XRCC4: variants seen among roughly 807,000 people sequenced by gnomAD.
XRCC4 encodes X-ray repair cross complementing 4.
XRCC4 carries 28 observed loss-of-function variants against 39.1 expected under a neutral mutation model. The ratio of observed to expected loss-of-function variants is 0.72; its 90% CI spans 0.53 to 0.98. The LOEUF (loss-of-function observed/expected upper bound fraction) is 0.98. XRCC4 is among the 50% of genes least tolerant of loss of function. The pLI, the probability that XRCC4 is intolerant of heterozygous loss-of-function variation, is 0.00. For missense variants in XRCC4, 350 were observed against 376.4 expected, an observed-to-expected ratio of 0.93 and a Z score of 0.58; for synonymous variants, 123 against 126.4, an observed-to-expected ratio of 0.97 and a Z score of 0.18.
intron 7 of XRCC4, among the ~76,000 whole-genome samples, chr5:83,286,782 A>G (rs1051755844): frequency 2.0e-5 from 3 of 152,122 alleles, no homozygotes; most frequent in Non-Finnish European, 4.4e-5. Flanking sequence ...AGGAACACAA[A>G]GTACCTGAGA....
intron 7 of XRCC4, among the ~76,000 whole-genome samples, chr5:83,352,610 G>A (rs1214693434): frequency 6.6e-6 from 1 of 152,122 alleles, no homozygotes; most frequent in Non-Finnish European, 1.5e-5. Flanking sequence ...AAATGATTAT[G>A]GACCAACATT....
intron 6 of XRCC4, among the ~76,000 whole-genome samples, chr5:83,241,882 A>C (rs575237018): frequency 2.0e-5 from 3 of 151,956 alleles, no homozygotes; most frequent in Non-Finnish European, 4.4e-5. Context: ...CATTAAGTGG[A>C]AGTGGATTCT....
chr5:83,353,047 C>T (rs1194281857), intron 7 of XRCC4, 84 bp from the exon 8 acceptor site: 2 of 1,067,772 alleles, frequency 1.9e-6, no homozygotes, highest in South Asian at 1.7e-5. Context: ...ACTGTCATTT[C>T]ACTTATGTGT....
At chr5:83,296,538 C>T in intron 7 of XRCC4, among the ~76,000 whole-genome samples, 1 of 152,042 alleles carries the variant, frequency 6.6e-6, no homozygotes, top group East Asian at 1.9e-4. Context: ...AAATTTAAAT[C>T]ATGCTTAATA....
chr5:83,111,283 A>G, intron 3 of XRCC4, 80 bp downstream of exon 3: 1 of 1,187,252 alleles, frequency 8.4e-7, no homozygotes, highest in Non-Finnish European at 1.1e-6. Flanking sequence ...TTAAGTGACT[A>G]CTATATTATT....
At chr5:83,252,205 TG>T (rs566633434) in intron 6 of XRCC4, among the ~76,000 whole-genome samples, 215 of 152,316 alleles carry the variant, frequency 1.4e-3, no homozygotes, top group African/African-American at 4.9e-3. Context: ...AAGGAATATG[TG>T]TTTTGAAGTT....
chr5:83,331,858 A>T (rs2112168662), intron 7 of XRCC4, among the ~76,000 whole-genome samples: 1 of 152,290 alleles, frequency 6.6e-6, no homozygotes, highest in East Asian at 1.9e-4. Context: ...AGGATAATAG[A>T]GCAAAGCAGC....
intron 6 of XRCC4, among the ~76,000 whole-genome samples, chr5:83,212,006 A>G (rs965529899): frequency 6.6e-6 from 1 of 152,186 alleles, no homozygotes; most frequent in Non-Finnish European, 1.5e-5. Flanking sequence ...TCAATAGAAA[A>G]TGTTTCAGAT....
chr5:83,093,963 A>G (rs773782798), intron 1 of XRCC4, among the ~76,000 whole-genome samples: 8 of 152,002 alleles, frequency 5.3e-5, no homozygotes, highest in Non-Finnish European at 8.8e-5. Context: ...GGTTTCTGCT[A>G]AGAAGTTTAT....
the XRCC4 span, among the ~76,000 whole-genome samples, chr5:83,371,029 T>G: frequency 2.6e-5 from 4 of 152,272 alleles, no homozygotes; most frequent in Admixed American, 1.3e-4. Context: ...CTTACTCCAG[T>G]GACATTTTCA....
chr5:83,096,463 G>T (rs905853042), intron 1 of XRCC4, among the ~76,000 whole-genome samples: 1 of 152,104 alleles, frequency 6.6e-6, no homozygotes, highest in Non-Finnish European at 1.5e-5. Context: ...AAAGCCAAAG[G>T]GGGCTGAAGC....
In XRCC4 at chr5:83,204,906, T is replaced by C. The variant is rs1261641487; in HGVS notation, c.730T>C (p.Ser244Pro). 1.2e-6 allele frequency: 2 copies of C among 1,611,046 alleles called. No homozygotes were observed. Among genetic ancestry groups the C allele is most frequent in the African/African-American group, 2.7e-5 (2 of 74,868 alleles). ...DEESENQTDLSGLASAAVSKD... is the reference protein window; with the variant it reads ...DEESENQTDLPGLASAAVSKD... ...GGAAAGTGAAAACCAAACTGATCTC[T>C]CTGGGTTGGCTTCAGGTAAGAGATA... The change falls in exon 6 of 8, where the codon TCT (serine) becomes CCT (proline). Residue 244 changes from serine (S) to proline (P), a missense_variant. By Grantham distance (74) the Ser-to-Pro change is moderately conservative. Coordinates refer to ENST00000396027, the MANE Select transcript of XRCC4 (RefSeq NM_003401.5).
chr5:83,355,318 C>T (rs536697144), downstream of XRCC4, among the ~76,000 whole-genome samples: 24 of 152,112 alleles, frequency 1.6e-4, no homozygotes, highest in Non-Finnish European at 2.5e-4. Flanking sequence ...ATCACTCTCT[C>T]GAATTACTTT....
At chr5:83,297,387 A>T (rs577716911) in intron 7 of XRCC4, among the ~76,000 whole-genome samples, 1 of 152,002 alleles carries the variant, frequency 6.6e-6, no homozygotes, top group Non-Finnish European at 1.5e-5. Context: ...TTTTATGTAT[A>T]TGAGGATTGT....
chr5:83,237,890 A>T (rs913421437), intron 6 of XRCC4, among the ~76,000 whole-genome samples: 3 of 152,150 alleles, frequency 2.0e-5, no homozygotes, highest in African/African-American at 7.2e-5. Flanking sequence ...AATAATTTTT[A>T]AACTACCTAT....
At position 83,236,534 on chromosome 5, in the gene XRCC4, C is replaced by T. The variant is rs530748285; in HGVS notation, c.746-21996C>T. On this transcript the variant is annotated intron_variant, in intron 6 of 7. Transcript: ENST00000396027. ...TATGCAGAAAAATGAAACTAGAACCCTATATCTCACCATATACAAAAATCA... is the reference window on the plus strand; with the variant it reads ...TATGCAGAAAAATGAAACTAGAACCTTATATCTCACCATATACAAAAATCA... 3.5e-4 allele frequency among the ~76,000 whole-genome samples: 53 copies of T among 152,002 alleles called. No individual in the cohort carries two copies. The South Asian group carries it at 6.9e-3, about 20-fold the overall frequency.
chr5:83,364,139 C>A, the XRCC4 span, among the ~76,000 whole-genome samples: 2 of 152,124 alleles, frequency 1.3e-5, no homozygotes. Flanking sequence ...CCTTTTATTC[C>A]CTGGGATTTT....
intron 7 of XRCC4, among the ~76,000 whole-genome samples, chr5:83,348,326 T>C (rs1756980295): frequency 6.6e-6 from 1 of 152,238 alleles, no homozygotes; most frequent in Non-Finnish European, 1.5e-5. Context: ...AGCAGACTTC[T>C]GCCTGGACAT....
At chr5:83,357,227 AGT>A (rs2112246614), downstream of XRCC4, among the ~76,000 whole-genome samples, 1 of 152,346 alleles carries the variant, frequency 6.6e-6, no homozygotes, top group East Asian at 1.9e-4. Flanking sequence ...TAGATGTGGC[AGT>A]GAATAGCACA....
Sources: gnomAD v4.1 joint callset for allele counts (sites outside exome capture counted in the v4.1 genomes callset) on GRCh38, gnomAD v4.1.1 for gene constraint, MANE v1.5 for transcripts, NCBI Gene and HGNC (gene_info 2026-07-23, HGNC 2026-07-21) for gene names.